The following NRF1 variants were observed in gnomAD, a reference collection of about 807,000 sequenced individuals.
NRF1 encodes the protein nuclear respiratory factor 1.
NRF1 carries 5 observed loss-of-function variants against 58.5 expected under a neutral mutation model. That is an observed-to-expected ratio of 0.09 (90% CI 0.04 to 0.18). The LOEUF is 0.18. NRF1 is among the 10% of genes least tolerant of loss of function. The pLI is 1.00. For missense variants in NRF1, 288 were observed against 657.7 expected (o/e 0.44, Z 6.15); for synonymous variants, 224 against 246.7 (o/e 0.91, Z 0.86).
At chr7:129,659,892 A>C (rs1801743243) in intron 2 of NRF1, among the ~76,000 whole-genome samples, 1 of 152,154 alleles carries the variant, frequency 6.6e-6, no homozygotes, top group African/African-American at 2.4e-5. Flanking sequence ...AGCTTGTGAA[A>C]GACAGAAGAT....
chr7:129,663,605 G>C lies in NRF1; in HGVS notation c.223+6031G>C, dbSNP rs575577058. 4.2e-3 allele frequency among the ~76,000 whole-genome samples: 634 copies of C among 150,068 alleles called. 1 individual carries two copies. Among genetic ancestry groups the C allele is most frequent in the Admixed American group, 7.8e-3 (118 of 15,088 alleles). ...AGAGACGCTCCTCACTTCCTAGACGGGGTGGCGGCTGGGCAGAGGCGCTCC... is the reference window on the plus strand; with the variant it reads ...AGAGACGCTCCTCACTTCCTAGACGCGGTGGCGGCTGGGCAGAGGCGCTCC... On this transcript the variant is annotated intron_variant, in intron 2 of 10. Coordinates refer to ENST00000393232, the MANE Select transcript of NRF1 (RefSeq NM_005011.5).
intron 10 of NRF1, among the ~76,000 whole-genome samples, chr7:129,742,644 T>C (rs1235381312): frequency 6.6e-6 from 1 of 152,188 alleles, no homozygotes; most frequent in African/African-American, 2.4e-5. Context: ...AAATCTATAT[T>C]TTAGGTGAAT....
intron 10 of NRF1, among the ~76,000 whole-genome samples, chr7:129,743,550 G>A (rs529416040): frequency 6.6e-5 from 10 of 152,278 alleles, no homozygotes; most frequent in African/African-American, 1.7e-4. Flanking sequence ...GAAAGCCCAC[G>A]TAAAATAACA....
At chr7:129,634,788 A>G (rs1216955653) in intron 1 of NRF1, among the ~76,000 whole-genome samples, 2 of 152,162 alleles carry the variant, frequency 1.3e-5, no homozygotes, top group Admixed American at 1.3e-4. Flanking sequence ...AAAGTGGCTG[A>G]TGTATATATT....
chr7:129,681,555 T>C (rs933396763), intron 4 of NRF1, among the ~76,000 whole-genome samples: 1 of 152,118 alleles, frequency 6.6e-6, no homozygotes, highest in Non-Finnish European at 1.5e-5. Context: ...TCATTTAATA[T>C]TGATAAGAAG....
Position 129,627,364 on chromosome 7 carries a change from A to G in NRF1, c.-7+15540A>G, listed in dbSNP as rs570130178. 2.2e-3 allele frequency among the ~76,000 whole-genome samples: 330 copies of G among 151,984 alleles called. 2 individuals carry two copies. The highest frequency in any genetic ancestry group is 3.0e-3 in the Admixed American group (46 of 15,264). On this transcript the variant is annotated intron_variant, in intron 1 of 10. Coordinates refer to ENST00000393232, the MANE Select transcript of NRF1 (RefSeq NM_005011.5). The stretch of plus-strand genomic sequence containing the variant: ...GTAGCTGGGACTACAGGTGCCTGTC[A>G]TCATGCTTGGCCATTTTTTTTTCTT...
At chr7:129,736,274 A>ATTTTT (rs61690883) in intron 10 of NRF1, among the ~76,000 whole-genome samples, 1 of 97,960 alleles carries the variant, frequency 1.0e-5, no homozygotes, top group Non-Finnish European at 2.1e-5. Context: ...GCTCAATAGA[A>ATTTTT]TTTTTTTTTT....
At position 129,630,466 on chromosome 7, in the gene NRF1, T is replaced by C. The variant is rs188084785; in HGVS notation, c.-7+18642T>C. On this transcript the variant is annotated intron_variant, in intron 1 of 10. Transcript: ENST00000393232. Reference sequence around the variant, plus strand: ...GAAAAGCAAACATTCAATTTAAATTTCAATAGTTCTCTGCTTGTGCTTGAT... The same window carrying C: ...GAAAAGCAAACATTCAATTTAAATTCCAATAGTTCTCTGCTTGTGCTTGAT... 1.4e-3 allele frequency among the ~76,000 whole-genome samples: 209 copies of C among 152,302 alleles called. 1 individual carries two copies. The highest frequency in any genetic ancestry group is 4.6e-3 in the African/African-American group (192 of 41,552).
Position 129,664,105 on chromosome 7 carries a change from A to G in NRF1, c.223+6531A>G, listed in dbSNP as rs566886501. Among the ~76,000 whole-genome samples, 11 of 143,156 alleles carry G rather than the reference A, an allele frequency of 7.7e-5. No homozygotes were observed. In the East Asian group the frequency reaches 2.2e-3, roughly 28 times the overall value. The allele number at this position is 143,156 out of a possible 152,430, so 93.9% of individuals were successfully genotyped here. On this transcript the variant is annotated intron_variant, in intron 2 of 10. Coordinates refer to ENST00000393232, the MANE Select transcript of NRF1 (RefSeq NM_005011.5). The stretch of plus-strand genomic sequence containing the variant: ...TTGGCAGTACAGTCCAGGCTCCCCA[A>G]GAGAGGGAGACAGTGGAGACGGGAA...
chr7:129,645,908 G>A (rs1444609959), intron 1 of NRF1, among the ~76,000 whole-genome samples: 6 of 152,284 alleles, frequency 3.9e-5, no homozygotes, highest in Non-Finnish European at 7.4e-5. Flanking sequence ...GGAGTGCAGT[G>A]GCATCATCTC....
At chr7:129,612,523 A>G (rs1040342159) in intron 1 of NRF1, among the ~76,000 whole-genome samples, 1 of 152,150 alleles carries the variant, frequency 6.6e-6, no homozygotes, top group Middle Eastern at 3.2e-3. Flanking sequence ...GGAGGGCGCA[A>G]AGTCCTTTTG....
At chr7:129,640,067 T>C (rs1801255922) in intron 1 of NRF1, among the ~76,000 whole-genome samples, 1 of 152,102 alleles carries the variant, frequency 6.6e-6, no homozygotes, top group Non-Finnish European at 1.5e-5. Flanking sequence ...ACCTCTCAGT[T>C]TGTGGGAATC....
intron 5 of NRF1, among the ~76,000 whole-genome samples, chr7:129,703,615 A>G (rs574313513): frequency 7.2e-5 from 11 of 152,346 alleles, no homozygotes; most frequent in African/African-American, 2.6e-4. Flanking sequence ...TCTCTTAAGC[A>G]TTTAAAAGTA....
chr7:129,680,025 A>C (rs979419932), intron 4 of NRF1, among the ~76,000 whole-genome samples: 1 of 152,150 alleles, frequency 6.6e-6, no homozygotes. Flanking sequence ...ATGCCACTGC[A>C]CTCCAGCCTG....
intron 7 of NRF1, among the ~76,000 whole-genome samples, 199 bp from the exon 8 acceptor site, chr7:129,711,276 T>G (rs574140854): frequency 2.0e-5 from 3 of 152,208 alleles, no homozygotes; most frequent in Non-Finnish European, 4.4e-5. Flanking sequence ...TATGGACTTA[T>G]TTGGTTGAAG....
chr7:129,750,022 T>A (rs557837623), intron 10 of NRF1, among the ~76,000 whole-genome samples: 1 of 152,232 alleles, frequency 6.6e-6, no homozygotes, highest in South Asian at 2.1e-4. Context: ...CCCTGCCCTG[T>A]GGACTTCTCT....
At chr7:129,712,927 G>T (rs887324605) in intron 8 of NRF1, among the ~76,000 whole-genome samples, 2 of 152,104 alleles carry the variant, frequency 1.3e-5, no homozygotes, top group African/African-American at 4.8e-5. Context: ...ACAACGAGGG[G>T]TACAGTTAGG....
In NRF1 at chr7:129,727,373, A is replaced by G; in HGVS notation, c.1348+8A>G. The G allele has an allele frequency of 6.3e-7, 1 of 1,576,564 alleles. No individual in the cohort carries two copies. Among genetic ancestry groups the G allele is most frequent in the Non-Finnish European group, 8.6e-7 (1 of 1,167,822 alleles). On this transcript the variant is annotated splice_region_variant and intron_variant, in intron 10 of 10. Transcript: ENST00000393232. ...GAGTCCAAGATGCTAATGGTAAGAG[A>G]GCATAAATATTTTATTAAATTTCTT...
intron 1 of NRF1, among the ~76,000 whole-genome samples, chr7:129,634,306 A>G (rs1373723624): frequency 5.9e-5 from 9 of 152,120 alleles, no homozygotes; most frequent in Admixed American, 5.2e-4. Context: ...ATAATCATTC[A>G]GAATGGTTTC....
Sources: allele counts gnomAD v4.1 joint callset (sites outside exome capture counted in the v4.1 genomes callset), GRCh38; gene constraint gnomAD v4.1.1; transcripts MANE v1.5; gene names NCBI Gene and HGNC (gene_info 2026-07-23, HGNC 2026-07-21).